The following GALNT13 variants were observed in gnomAD, a reference collection of about 807,000 sequenced individuals.
GALNT13 encodes polypeptide N-acetylgalactosaminyltransferase 13.
In GALNT13, 28 loss-of-function variants were observed where a neutral mutation model predicts 64.2. The observed-to-expected ratio is 0.44, with a 90% CI of 0.32 to 0.60. The LOEUF is 0.60. Ranked by LOEUF, GALNT13 falls within the 20% of genes least tolerant of loss-of-function variation. The pLI is 0.05. For synonymous variants in GALNT13, 214 were observed against 224.6 expected, an observed-to-expected ratio of 0.95 and a Z score of 0.42; for missense variants, 577 against 669.8, an observed-to-expected ratio of 0.86 and a Z score of 1.53.
At chr2:153,454,278 T>C in the GALNT13 span, among the ~76,000 whole-genome samples, 1 of 152,168 alleles carries the variant, frequency 6.6e-6, no homozygotes, top group Non-Finnish European at 1.5e-5. Flanking sequence ...TGTATATATA[T>C]ATATAGAACT....
At chr2:154,026,540 G>C (rs1335408192) in intron 3 of GALNT13, among the ~76,000 whole-genome samples, 1 of 152,116 alleles carries the variant, frequency 6.6e-6, no homozygotes, top group Non-Finnish European at 1.5e-5. Context: ...CTGAGATTAG[G>C]GTGCCAGCAT....
At chr2:153,205,680 A>T in the GALNT13 span, among the ~76,000 whole-genome samples, 2 of 152,098 alleles carry the variant, frequency 1.3e-5, no homozygotes, top group African/African-American at 4.8e-5. Flanking sequence ...CTTGCTGAGC[A>T]CTTTTGCACA....
the GALNT13 span, among the ~76,000 whole-genome samples, chr2:153,683,111 G>A: frequency 6.6e-6 from 1 of 151,710 alleles, no homozygotes; most frequent in African/African-American, 2.4e-5. Flanking sequence ...AGGATTGTAT[G>A]CAGATCAGGT....
intron 3 of GALNT13, among the ~76,000 whole-genome samples, chr2:154,025,262 C>A (rs562179870): frequency 6.6e-6 from 1 of 152,190 alleles, no homozygotes; most frequent in African/African-American, 2.4e-5. Flanking sequence ...GCGTCACTCA[C>A]GCTGGGTGCT....
At chr2:153,254,397 T>A in the GALNT13 span, among the ~76,000 whole-genome samples, 1 of 152,248 alleles carries the variant, frequency 6.6e-6, no homozygotes, top group African/African-American at 2.4e-5. Flanking sequence ...CTGTCAATTT[T>A]GTAGATCCTT....
At chr2:153,800,305 A>T in the GALNT13 span, among the ~76,000 whole-genome samples, 1 of 152,192 alleles carries the variant, frequency 6.6e-6, no homozygotes, top group Non-Finnish European at 1.5e-5. Flanking sequence ...AGAAAAAATA[A>T]TAAAAAATCC....
intron 1 of GALNT13, among the ~76,000 whole-genome samples, chr2:153,899,122 A>G (rs1391059553): frequency 6.6e-6 from 1 of 152,184 alleles, no homozygotes; most frequent in Non-Finnish European, 1.5e-5. Flanking sequence ...ATGGTGTGGG[A>G]CAAACGAAAT....
chr2:153,981,280 A>G (rs1193361238), intron 3 of GALNT13, among the ~76,000 whole-genome samples: 1 of 152,082 alleles, frequency 6.6e-6, no homozygotes, highest in African/African-American at 2.4e-5. Flanking sequence ...GGTTTGTTAC[A>G]TATGTATACA....
intron 4 of GALNT13, among the ~76,000 whole-genome samples, chr2:154,153,553 G>T (rs1308195461): frequency 6.6e-6 from 1 of 152,204 alleles, no homozygotes; most frequent in Non-Finnish European, 1.5e-5. Context: ...ACAGAGGCAG[G>T]CAGGCCTCCT....
At chr2:153,386,567 C>G in the GALNT13 span, among the ~76,000 whole-genome samples, 1 of 151,956 alleles carries the variant, frequency 6.6e-6, no homozygotes, top group East Asian at 1.9e-4. Context: ...GGCCAGAGAG[C>G]AACATTCCAG....
intron 3 of GALNT13, among the ~76,000 whole-genome samples, chr2:154,116,533 C>G (rs1166691216): frequency 6.6e-6 from 1 of 152,148 alleles, no homozygotes; most frequent in African/African-American, 2.4e-5. Flanking sequence ...ATCACTTTGT[C>G]CACTGAACTA....
At chr2:154,386,909 G>A (rs146305499) in intron 9 of GALNT13, among the ~76,000 whole-genome samples, 5 of 152,150 alleles carry the variant, frequency 3.3e-5, no homozygotes, top group Admixed American at 6.6e-5. Flanking sequence ...TGTAACTTTT[G>A]ACTGTGGATA....
chr2:154,324,227 T>C (rs960342628), intron 9 of GALNT13, among the ~76,000 whole-genome samples: 11 of 152,180 alleles, frequency 7.2e-5, no homozygotes, highest in African/African-American at 2.6e-4. Context: ...TTTTAGAACA[T>C]ATTTTTAGGG....
intron 3 of GALNT13, among the ~76,000 whole-genome samples, chr2:153,999,266 C>T (rs1211616326): frequency 7.4e-6 from 1 of 135,938 alleles, no homozygotes; most frequent in Non-Finnish European, 1.6e-5. Context: ...ACCATATGAA[C>T]TTCCTTTTTT....
the GALNT13 span, among the ~76,000 whole-genome samples, chr2:153,475,795 C>T: frequency 1.3e-5 from 2 of 152,076 alleles, no homozygotes; most frequent in South Asian, 4.1e-4. Flanking sequence ...AAGAAGGGAC[C>T]CTCAGAGGAT....
At chr2:154,064,049 C>T (rs1337291329) in intron 3 of GALNT13, among the ~76,000 whole-genome samples, 2 of 152,168 alleles carry the variant, frequency 1.3e-5, no homozygotes, top group Admixed American at 6.6e-5. Context: ...AGCCCAGTGG[C>T]AGGGAGAATC....
chr2:153,101,897 A>G, the GALNT13 span, among the ~76,000 whole-genome samples: 2 of 152,222 alleles, frequency 1.3e-5, no homozygotes, highest in African/African-American at 4.8e-5. Flanking sequence ...AGTAACTATT[A>G]TTAGGAATTT....
chr2:153,547,940 G>GA, the GALNT13 span, among the ~76,000 whole-genome samples: 1 of 152,160 alleles, frequency 6.6e-6, no homozygotes, highest in African/African-American at 2.4e-5. Flanking sequence ...TGTAAAAATG[G>GA]AAAGAGATAA....
chr2:153,178,329 T>C, the GALNT13 span, among the ~76,000 whole-genome samples: 1 of 152,230 alleles, frequency 6.6e-6, no homozygotes, highest in Non-Finnish European at 1.5e-5. Context: ...CCACCAACAG[T>C]GTACAATGGT....
Sources: allele counts gnomAD v4.1 joint callset (sites outside exome capture counted in the v4.1 genomes callset), GRCh38; gene constraint gnomAD v4.1.1; transcripts MANE v1.5; gene names NCBI Gene and HGNC (gene_info 2026-07-23, HGNC 2026-07-21).